SCMH1: variants seen among roughly 807,000 people sequenced by gnomAD.
SCMH1 encodes the protein polycomb protein SCMH1.
SCMH1 carries 37 observed loss-of-function variants against 70.8 expected under a neutral mutation model. The ratio of observed to expected loss-of-function variants is 0.52; its 90% CI spans 0.40 to 0.69. The LOEUF (loss-of-function observed/expected upper bound fraction) is 0.69. SCMH1 is among the 30% of genes least tolerant of loss of function. The probability of loss-of-function intolerance (pLI) is 0.00; values close to 1 mark genes in which losing one functional copy is unlikely to be tolerated. For synonymous variants in SCMH1, 292 were observed against 307.4 expected (o/e 0.95, Z 0.52); for missense variants, 607 against 827.3 (o/e 0.73, Z 3.27).
At chr1:41,134,720 T>G (rs1642991887) in intron 6 of SCMH1, among the ~76,000 whole-genome samples, 1 of 152,232 alleles carries the variant, frequency 6.6e-6, no homozygotes, top group South Asian at 2.1e-4. Context: ...TTTCTTTATG[T>G]AAGTTTCACA....
intron 1 of SCMH1, among the ~76,000 whole-genome samples, chr1:41,241,270 T>G (rs1663459627): frequency 6.6e-6 from 1 of 152,190 alleles, no homozygotes; most frequent in South Asian, 2.1e-4. Context: ...CAGGAGATAT[T>G]CCGGGGTTCA....
At chr1:41,078,167 C>T (rs913600363) in intron 8 of SCMH1, among the ~76,000 whole-genome samples, 2 of 151,926 alleles carry the variant, frequency 1.3e-5, no homozygotes, top group Admixed American at 1.3e-4. Flanking sequence ...GATTAATAAA[C>T]TTGATGAAAA....
At chr1:41,211,155 A>G (rs1656924285) in intron 1 of SCMH1, among the ~76,000 whole-genome samples, 1 of 152,228 alleles carries the variant, frequency 6.6e-6, no homozygotes, top group Admixed American at 6.5e-5. Flanking sequence ...CAAAAGCCAA[A>G]ATAGACAAAT....
intron 1 of SCMH1, among the ~76,000 whole-genome samples, chr1:41,224,966 CTT>C (rs1369045015): frequency 1.3e-5 from 2 of 152,072 alleles, no homozygotes; most frequent in Non-Finnish European, 2.9e-5. Context: ...GACCCTAAAT[CTT>C]ATACTTTTTC....
intron 5 of SCMH1, among the ~76,000 whole-genome samples, chr1:41,148,424 G>A (rs1384789591): frequency 1.3e-5 from 2 of 152,020 alleles, no homozygotes; most frequent in African/African-American, 2.4e-5. Flanking sequence ...ATTTCTTGAG[G>A]TGTGAGTCTG....
chr1:41,232,611 A>G (rs1661522944), intron 1 of SCMH1, among the ~76,000 whole-genome samples: 1 of 152,174 alleles, frequency 6.6e-6, no homozygotes, highest in Non-Finnish European at 1.5e-5. Context: ...AAACTGCATA[A>G]TCTTGGCCAG....
chr1:41,063,119 G>T (rs1653335080), intron 10 of SCMH1, among the ~76,000 whole-genome samples: 1 of 151,806 alleles, frequency 6.6e-6, no homozygotes, highest in Non-Finnish European at 1.5e-5. Context: ...AAAGTAAGCA[G>T]AAAATAAAAA....
intron 11 of SCMH1, 153 bp from the exon 12 acceptor site, chr1:41,046,751 C>T: frequency 3.1e-6 from 2 of 643,960 alleles, no homozygotes; most frequent in Non-Finnish European, 5.5e-6. Flanking sequence ...CCTTTAACTC[C>T]CTCCCTCGAG....
In SCMH1 at chr1:41,186,216, G is replaced by T; in HGVS notation, c.-83C>A. On this transcript the variant is annotated 5_prime_UTR_variant, in exon 2 of 15. The change creates a premature stop within an existing upstream ORF in the 5' untranslated region. Coordinates refer to ENST00000337495, the Ensembl canonical transcript of SCMH1. ...CCACCAATACCTTGCTCTGACTTCTGACAAGTCAGTTTCTTTGTATGCTAA... is the reference window on the plus strand; with the variant it reads ...CCACCAATACCTTGCTCTGACTTCTTACAAGTCAGTTTCTTTGTATGCTAA... 1 of 778,912 alleles carries T rather than the reference G, an allele frequency of 1.3e-6. No homozygotes were observed. Among genetic ancestry groups the T allele is most frequent in the South Asian group, 1.5e-5 (1 of 67,330 alleles). 48.3% of individuals were successfully genotyped at this position (778,912 alleles called of 1,614,324 possible).
chr1:41,203,227 T>C (rs965665127), intron 1 of SCMH1, among the ~76,000 whole-genome samples: 1 of 152,178 alleles, frequency 6.6e-6, no homozygotes, highest in African/African-American at 2.4e-5. Flanking sequence ...TTGATCCGTA[T>C]TTCAATTTTG....
intron 8 of SCMH1, among the ~76,000 whole-genome samples, chr1:41,097,058 A>T (rs968879396): frequency 6.6e-5 from 10 of 152,314 alleles, no homozygotes; most frequent in African/African-American, 2.4e-4. Flanking sequence ...TAAAATAATA[A>T]ATGGATAATT....
chr1:41,097,245 T>G (rs889687563), intron 8 of SCMH1, among the ~76,000 whole-genome samples: 1 of 152,202 alleles, frequency 6.6e-6, no homozygotes, highest in East Asian at 1.9e-4. Context: ...CTTAGCTTTC[T>G]GGTTGTTCAT....
In SCMH1 at chr1:41,186,187, G is replaced by A; in HGVS notation, c.-54C>T. 1 of 985,864 alleles carries A rather than the reference G, an allele frequency of 1.0e-6. No individual in the cohort carries two copies. The highest frequency in any genetic ancestry group is 1.6e-6 in the Non-Finnish European group (1 of 631,836). The allele number at this position is 985,864 out of a possible 1,614,324, so 61.1% of individuals were successfully genotyped here. A position where few individuals can be genotyped will look rare whatever the true frequency, so the allele number is the denominator to read the frequency against. The stretch of plus-strand genomic sequence containing the variant: ...GTTAAGAAGTTTGGGATTTATCCCT[G>A]GATCCACCAATACCTTGCTCTGACT... On this transcript the variant is annotated 5_prime_UTR_variant, in exon 2 of 15. It introduces an in-frame stop codon into an upstream open reading frame of the 5' UTR. Transcript: ENST00000337495.
At chr1:41,171,915 G>A (rs975797068) in intron 2 of SCMH1, among the ~76,000 whole-genome samples, 2 of 152,164 alleles carry the variant, frequency 1.3e-5, no homozygotes, top group African/African-American at 2.4e-5. Context: ...AAGATGGCTG[G>A]GCGCGGTGGC....
intron 1 of SCMH1, among the ~76,000 whole-genome samples, chr1:41,199,108 A>C (rs1428185625): frequency 6.6e-6 from 1 of 152,224 alleles, no homozygotes; most frequent in Non-Finnish European, 1.5e-5. Flanking sequence ...AACCTAAAGA[A>C]CCATCATAGC....
chr1:41,228,458 A>G (rs1173421657), intron 1 of SCMH1, among the ~76,000 whole-genome samples: 4 of 152,196 alleles, frequency 2.6e-5, no homozygotes, highest in Non-Finnish European at 2.9e-5. Context: ...AACATTCTAT[A>G]AGCTACATTA....
intron 8 of SCMH1, among the ~76,000 whole-genome samples, chr1:41,103,433 C>A (rs944420883): frequency 6.6e-6 from 1 of 152,166 alleles, no homozygotes; most frequent in Non-Finnish European, 1.5e-5. Flanking sequence ...TGAGCCACTG[C>A]GCCCGGCCCA....
chr1:41,195,487 T>C (rs974702519), intron 1 of SCMH1, among the ~76,000 whole-genome samples: 1 of 150,816 alleles, frequency 6.6e-6, no homozygotes, highest in Non-Finnish European at 1.5e-5. Flanking sequence ...AATGTCAATG[T>C]AGAGAAAGCA....
chr1:41,090,533 CAA>C (rs753904360), intron 8 of SCMH1, among the ~76,000 whole-genome samples: 5 of 135,608 alleles, frequency 3.7e-5, no homozygotes, highest in Admixed American at 7.4e-5. Flanking sequence ...GATTCTAAAC[CAA>C]AAAAAAAAAA....
Sources: gnomAD v4.1 joint callset for allele counts (sites outside exome capture counted in the v4.1 genomes callset) on GRCh38, gnomAD v4.1.1 for gene constraint, MANE v1.5 for transcripts, NCBI Gene and HGNC (gene_info 2026-07-23, HGNC 2026-07-21) for gene names.